CDK17: variants seen among roughly 807,000 people sequenced by gnomAD.
The protein encoded by CDK17 is cyclin dependent kinase 17.
In CDK17, 24 loss-of-function variants were observed where a neutral mutation model predicts 77.6. The observed-to-expected ratio is 0.31, with a 90% CI of 0.22 to 0.44. CDK17 has a LOEUF of 0.44. Among genes scored for constraint, CDK17 ranks in the 20% least tolerant of loss-of-function variants. The pLI, the probability that CDK17 is intolerant of heterozygous loss-of-function variation, is 1.00. For missense variants in CDK17, 429 were observed against 622.5 expected (o/e 0.69, Z 3.31); for synonymous variants, 203 against 210.4 (o/e 0.96, Z 0.30).
At chr12:96,343,978 A>G (rs1953161094) in intron 1 of CDK17, among the ~76,000 whole-genome samples, 1 of 152,270 alleles carries the variant, frequency 6.6e-6, no homozygotes, top group Admixed American at 6.5e-5. Flanking sequence ...GAGCAAAACA[A>G]GAATATCAGT....
At chr12:96,305,427 G>A (rs1256015521) in intron 5 of CDK17, among the ~76,000 whole-genome samples, 13 of 152,088 alleles carry the variant, frequency 8.5e-5, no homozygotes, top group Admixed American at 8.5e-4. Flanking sequence ...TATGGTAACT[G>A]GGTATGTGGT....
intron 5 of CDK17, among the ~76,000 whole-genome samples, chr12:96,308,289 C>T (rs1006537095): frequency 2.7e-5 from 4 of 149,738 alleles, no homozygotes; most frequent in Non-Finnish European, 5.9e-5. Context: ...TGTACACCTG[C>T]AGTCTTAGCT....
intron 13 of CDK17, 72 bp downstream of exon 13, chr12:96,285,969 TAC>T (rs1441569665): frequency 1.3e-6 from 1 of 742,586 alleles, no homozygotes; most frequent in Non-Finnish European, 2.4e-6. Flanking sequence ...CCTGAATCCT[TAC>T]TGTGGCTAAT....
intron 3 of CDK17, among the ~76,000 whole-genome samples, chr12:96,315,028 T>TCTGG (rs1952692370): frequency 2.6e-5 from 4 of 152,202 alleles, no homozygotes; most frequent in Non-Finnish European, 4.4e-5. Context: ...TTCCAGAACT[T>TCTGG]AACCAACTGT....
rs1458140317 is a variant in CDK17, at chr12:96,279,699, T to C, written c.*543A>G. 1 of 152,596 alleles carries C rather than the reference T, an allele frequency of 6.6e-6. No individual in the cohort carries two copies. 9.5% of individuals were successfully genotyped at this position (152,596 alleles called of 1,614,324 possible). ...CTATTTGCCAATGTTCATTAAGAAA[T>C]TATATAGTATAAACTTAAAGTGTTC... On this transcript the variant is annotated 3_prime_UTR_variant, in exon 17 of 17. Transcript: ENST00000261211.
Position 96,400,405 on chromosome 12 carries a change from G to A in CDK17, c.-449C>T, listed in dbSNP as rs1190106203. The A allele has an allele frequency of 1.3e-5, 5 of 383,686 alleles. No homozygotes were observed. The highest frequency in any genetic ancestry group is 4.5e-5 in the Admixed American group (1 of 22,196). The allele number at this position is 383,686 out of a possible 1,614,324, so 23.8% of individuals were successfully genotyped here. On this transcript the variant is annotated 5_prime_UTR_variant, in exon 1 of 17. It adds an upstream start codon to the 5' untranslated region. Coordinates refer to ENST00000261211, the MANE Select transcript of CDK17 (RefSeq NM_002595.5). ...GCGGGCGGCCGCGTTCGCTCCTTGC[G>A]TGTGCGTCGCTTTCACACTCGGCGG...
chr12:96,327,045 A>T (rs530895633), intron 2 of CDK17, among the ~76,000 whole-genome samples: 1 of 152,194 alleles, frequency 6.6e-6, no homozygotes, highest in African/African-American at 2.4e-5. Flanking sequence ...CGAGAGATCT[A>T]TTGTCATGAT....
At chr12:96,324,905 C>T (rs2137127473) in intron 2 of CDK17, among the ~76,000 whole-genome samples, 1 of 152,144 alleles carries the variant, frequency 6.6e-6, no homozygotes. Context: ...TACCTAAATA[C>T]ATATCAATAC....
At position 96,283,663 on chromosome 12, in the gene CDK17, C is replaced by G. The variant is rs772681988; in HGVS notation, c.1323-18G>C. The stretch of plus-strand genomic sequence containing the variant: ...AGTCTAACCTAGAAACAACAAAGAA[C>G]AAGTAAAAATTTATGCTCTCTTAGC... On this transcript the variant is annotated intron_variant, in intron 13 of 16. Coordinates refer to ENST00000261211, the MANE Select transcript of CDK17 (RefSeq NM_002595.5). The G allele has an allele frequency of 1.9e-6, 3 of 1,571,794 alleles. No individual in the cohort carries two copies.
chr12:96,285,028 C>G (rs1392816445), intron 13 of CDK17, among the ~76,000 whole-genome samples: 1 of 152,066 alleles, frequency 6.6e-6, no homozygotes, highest in Non-Finnish European at 1.5e-5. Context: ...ATGTAGTTTG[C>G]CATTCTAGCA....
chr12:96,357,512 A>C (rs1592750940), intron 1 of CDK17, among the ~76,000 whole-genome samples: 2 of 152,294 alleles, frequency 1.3e-5, no homozygotes, highest in East Asian at 3.9e-4. Flanking sequence ...CATCTCAGTT[A>C]TGTGATGAAC....
chr12:96,361,499 T>C (rs1409643294), intron 1 of CDK17, among the ~76,000 whole-genome samples: 1 of 152,194 alleles, frequency 6.6e-6, no homozygotes, highest in African/African-American at 2.4e-5. Flanking sequence ...TGAAGGAAAA[T>C]AGCTTAATAC....
chr12:96,316,696 C>A (rs1251978673), intron 3 of CDK17, among the ~76,000 whole-genome samples: 2 of 126,710 alleles, frequency 1.6e-5, no homozygotes, highest in Non-Finnish European at 3.4e-5. Context: ...AGCAGGGGCA[C>A]ACTGACACCT....
At chr12:96,334,643 T>A (rs1322905904) in intron 2 of CDK17, 76 bp downstream of exon 2, 12 of 781,656 alleles carry the variant, frequency 1.5e-5, no homozygotes, top group Non-Finnish European at 2.4e-5. Context: ...TATGAACTTA[T>A]CTAAAAAGTA....
At chr12:96,371,577 G>A (rs1186577918) in intron 1 of CDK17, among the ~76,000 whole-genome samples, 1 of 152,126 alleles carries the variant, frequency 6.6e-6, no homozygotes, top group Non-Finnish European at 1.5e-5. Context: ...CGGATCACCT[G>A]AGGTCAGGAG....
intron 1 of CDK17, among the ~76,000 whole-genome samples, chr12:96,370,039 C>T (rs1029646830): frequency 2.0e-5 from 3 of 152,034 alleles, no homozygotes; most frequent in Non-Finnish European, 4.4e-5. Flanking sequence ...AAGAGCTGGA[C>T]AGAAGGAAAG....
chr12:96,303,118 T>C (rs1031093898), intron 5 of CDK17: 2 of 152,148 alleles, frequency 1.3e-5, no homozygotes, highest in Non-Finnish European at 2.9e-5. Context: ...ACAATAGATA[T>C]AATGACTAGC....
chr12:96,346,324 C>T (rs866100648), intron 1 of CDK17, among the ~76,000 whole-genome samples: 43 of 152,040 alleles, frequency 2.8e-4, no homozygotes, highest in African/African-American at 9.9e-4. Flanking sequence ...TGGTGGCACA[C>T]GCCTGTAGTC....
At chr12:96,285,479 A>G (rs1285750753) in intron 13 of CDK17, among the ~76,000 whole-genome samples, 1 of 152,156 alleles carries the variant, frequency 6.6e-6, no homozygotes, top group African/African-American at 2.4e-5. Context: ...AAATGCAGTC[A>G]AAGGGGTTAT....
Sources: gnomAD v4.1 joint callset for allele counts (sites outside exome capture counted in the v4.1 genomes callset) on GRCh38, gnomAD v4.1.1 for gene constraint, MANE v1.5 for transcripts, NCBI Gene and HGNC (gene_info 2026-07-23, HGNC 2026-07-21) for gene names.